CAMTA1: variants seen among roughly 807,000 people sequenced by gnomAD.
CAMTA1 encodes the protein calmodulin-binding transcription activator 1.
Under a neutral mutation model 170.9 loss-of-function variants are expected in CAMTA1, and 27 were observed. The ratio of observed to expected loss-of-function variants is 0.16; its 90% CI spans 0.12 to 0.22. CAMTA1 has a LOEUF of 0.22. Ranked by LOEUF, CAMTA1 falls within the 10% of genes least tolerant of loss-of-function variation. CAMTA1 has a pLI of 1.00. For synonymous variants in CAMTA1, 833 were observed against 891.5 expected (o/e 0.93, Z 1.17); for missense variants, 1,619 against 2,217.2 (o/e 0.73, Z 5.42).
At chr1:6,875,565 G>A (rs1669601580) in intron 3 of CAMTA1, among the ~76,000 whole-genome samples, 1 of 152,272 alleles carries the variant, frequency 6.6e-6, no homozygotes, top group South Asian at 2.1e-4. Context: ...GATTATTGGT[G>A]TGAGCCACTG....
chr1:7,530,583 C>T (rs1183298712), intron 6 of CAMTA1, among the ~76,000 whole-genome samples: 1 of 151,952 alleles, frequency 6.6e-6, no homozygotes, highest in Non-Finnish European at 1.5e-5. Flanking sequence ...AGGAAGCTGC[C>T]CGAGGCTGCA....
At chr1:6,996,046 G>A (rs1199578811) in intron 3 of CAMTA1, among the ~76,000 whole-genome samples, 1 of 152,220 alleles carries the variant, frequency 6.6e-6, no homozygotes, top group Non-Finnish European at 1.5e-5. Flanking sequence ...CATGAAAGGG[G>A]CATTCCTTGG....
intron 5 of CAMTA1, among the ~76,000 whole-genome samples, chr1:7,328,463 C>A (rs2082828266): frequency 6.6e-6 from 1 of 152,084 alleles, no homozygotes; most frequent in African/African-American, 2.4e-5. Context: ...TCACTGCACT[C>A]CAGCCTGGGA....
chr1:7,764,347 C>T (rs954806273), intron 22 of CAMTA1, among the ~76,000 whole-genome samples: 12 of 152,156 alleles, frequency 7.9e-5, no homozygotes, highest in Non-Finnish European at 1.2e-4. Flanking sequence ...AAAAATCACA[C>T]TAGGACCAAG....
At chr1:6,994,606 G>A (rs1696902459) in intron 3 of CAMTA1, among the ~76,000 whole-genome samples, 1 of 151,926 alleles carries the variant, frequency 6.6e-6, no homozygotes, top group African/African-American at 2.4e-5. Context: ...TTTATCTTTG[G>A]GGTTATTCAC....
At chr1:7,628,715 C>T (rs1002399944) in intron 6 of CAMTA1, among the ~76,000 whole-genome samples, 1 of 152,244 alleles carries the variant, frequency 6.6e-6, no homozygotes, top group South Asian at 2.1e-4. Flanking sequence ...AGCAGGCACA[C>T]CAGCTCTGGG....
Position 6,904,642 on chromosome 1 carries a change from G to A in CAMTA1, c.234+79432G>A, listed in dbSNP as rs182575735. On this transcript the variant is annotated intron_variant, in intron 3 of 22. Coordinates refer to ENST00000303635, the MANE Select transcript of CAMTA1 (RefSeq NM_015215.4). ...ATGAACAACATAGCTCACAGCAGCC[G>A]CAGCAGCCTCAAACTTCCAGGCTCA... Among the ~76,000 whole-genome samples, 5 of 144,690 alleles carry A rather than the reference G, an allele frequency of 3.5e-5. 1 individual carries two copies. Among genetic ancestry groups the A allele is most frequent in the East Asian group, 4.0e-4 (2 of 4,952 alleles). 94.9% of individuals were successfully genotyped at this position (144,690 alleles called of 152,430 possible).
intron 5 of CAMTA1, among the ~76,000 whole-genome samples, chr1:7,327,089 CG>C (rs1200599172): frequency 6.6e-6 from 1 of 151,776 alleles, no homozygotes; most frequent in Non-Finnish European, 1.5e-5. Context: ...AGTGGATAGG[CG>C]GGGGGGAAAG....
intron 3 of CAMTA1, among the ~76,000 whole-genome samples, chr1:7,006,509 C>T (rs944360430): frequency 1.3e-5 from 2 of 152,090 alleles, no homozygotes; most frequent in Non-Finnish European, 2.9e-5. Context: ...ACCCCAAGGC[C>T]TGGGTTCAGA....
At chr1:7,759,464 T>C (rs2096958803) in intron 22 of CAMTA1, among the ~76,000 whole-genome samples, 1 of 152,196 alleles carries the variant, frequency 6.6e-6, no homozygotes, top group African/African-American at 2.4e-5. Flanking sequence ...TCCAGTAACT[T>C]AAAGTGAAAT....
chr1:7,287,745 A>T (rs1259833140), intron 5 of CAMTA1, among the ~76,000 whole-genome samples: 2 of 152,232 alleles, frequency 1.3e-5, no homozygotes, highest in Non-Finnish European at 2.9e-5. Context: ...CAAATGCTGC[A>T]TCAGAGTGGT....
At chr1:6,943,869 GA>G (rs1218712576) in intron 3 of CAMTA1, among the ~76,000 whole-genome samples, 1 of 83,850 alleles carries the variant, frequency 1.2e-5, no homozygotes, top group Admixed American at 1.1e-4. Flanking sequence ...AAAAAAAAAA[GA>G]AAAAAATACA....
At chr1:7,272,689 A>G (rs1669980277) in intron 5 of CAMTA1, among the ~76,000 whole-genome samples, 1 of 118,982 alleles carries the variant, frequency 8.4e-6, no homozygotes, top group African/African-American at 3.0e-5. Flanking sequence ...GGATAAACAC[A>G]TGCAAAAAAA....
At chr1:7,445,236 G>A (rs1296769354) in intron 5 of CAMTA1, among the ~76,000 whole-genome samples, 1 of 151,706 alleles carries the variant, frequency 6.6e-6, no homozygotes, top group East Asian at 2.0e-4. Flanking sequence ...CAGAGAAAGG[G>A]CCCCAGAGTA....
At chr1:7,689,695 A>C (rs893333192) in intron 11 of CAMTA1, among the ~76,000 whole-genome samples, 1 of 152,186 alleles carries the variant, frequency 6.6e-6, no homozygotes, top group Non-Finnish European at 1.5e-5. Flanking sequence ...TCTGGAAGGA[A>C]CCCAGGCCCC....
chr1:6,865,402 G>A (rs917473390), intron 3 of CAMTA1, among the ~76,000 whole-genome samples: 6 of 152,162 alleles, frequency 3.9e-5, no homozygotes, highest in Admixed American at 1.3e-4. Context: ...TTGTGAGTGA[G>A]CCTGTTGAGG....
chr1:7,755,775 C>T (rs1317590571), intron 22 of CAMTA1, 107 bp downstream of exon 22: 2 of 893,046 alleles, frequency 2.2e-6, no homozygotes, highest in African/African-American at 3.3e-5. Flanking sequence ...GTAAGTTTCA[C>T]ATCCATTTTG....
chr1:7,664,287 C>T lies in CAMTA1; in HGVS notation c.1740C>T (p.Thr580=). The change falls in exon 9 of 23, where the codon ACC becomes ACT. Residue 580 remains threonine, a synonymous_variant. Transcript: ENST00000303635. ...GCGGCGGCCTGAGTCCCAGCACCAC[C>T]CTGGAGCAGATGGACTTCAGCGCCA... ...PSGGGLSPST[T]LEQMDFSAID... The T allele has an allele frequency of 6.2e-7, 1 of 1,612,992 alleles. No homozygotes were observed. Among genetic ancestry groups the T allele is most frequent in the Non-Finnish European group, 8.5e-7 (1 of 1,179,974 alleles).
intron 22 of CAMTA1, among the ~76,000 whole-genome samples, chr1:7,765,431 A>G (rs2097013573): frequency 6.6e-6 from 1 of 152,248 alleles, no homozygotes; most frequent in African/African-American, 2.4e-5. Context: ...TGAACTTTCC[A>G]TGACTCAGTC....
Sources: gnomAD v4.1 joint callset for allele counts (sites outside exome capture counted in the v4.1 genomes callset) on GRCh38, gnomAD v4.1.1 for gene constraint, MANE v1.5 for transcripts, NCBI Gene and HGNC (gene_info 2026-07-23, HGNC 2026-07-21) for gene names.